The following FAM186B variants were observed in gnomAD, a reference collection of about 807,000 sequenced individuals.
FAM186B encodes the protein family with sequence similarity 186 member B.
Under a neutral mutation model 83.4 loss-of-function variants are expected in FAM186B, and 68 were observed. That is an observed-to-expected ratio of 0.81 (90% confidence interval 0.67 to 1.00). FAM186B has a LOEUF of 1.00. FAM186B is among the 50% of genes least tolerant of loss of function. The pLI is 0.00. For synonymous variants in FAM186B, 389 were observed against 422.0 expected (o/e 0.92, Z 0.96); for missense variants, 983 against 1,099.2 (o/e 0.89, Z 1.49).
At chr12:49,610,347 T>C (rs974746574), upstream of FAM186B, among the ~76,000 whole-genome samples, 11 of 152,008 alleles carry the variant, frequency 7.2e-5, no homozygotes, top group Non-Finnish European at 5.9e-5. Flanking sequence ...AACTCAGAAA[T>C]GACAGATAAA....
Position 49,600,524 on chromosome 12 carries a change from G to A in FAM186B, c.1116C>T (p.Pro372=). 6.2e-7 allele frequency: 1 copy of A among 1,614,006 alleles called. No homozygotes were observed. The highest frequency in any genetic ancestry group is 8.5e-7 in the Non-Finnish European group (1 of 1,179,982). The change falls in exon 4 of 7, where the codon CCC becomes CCT. Residue 372 remains proline (P), a synonymous_variant. Coordinates refer to ENST00000257894, the MANE Select transcript of FAM186B (RefSeq NM_032130.3). The surrounding 1 kb of genome is among the most constrained non-coding windows in gnomAD (Gnocchi z 4.3). Reference sequence around the variant, plus strand: ...CCCGTATCATGGCCATGGGACTTGGGGGAAGTGGCGAGAACAACTGCTCCT... The same window carrying A: ...CCCGTATCATGGCCATGGGACTTGGAGGAAGTGGCGAGAACAACTGCTCCT... ...MKEEQLFSPL[P]PSPMAMIRDS... is the part of the protein sequence containing the mutation.
chr12:49,591,026 T>A (rs1477114561), intron 5 of FAM186B, among the ~76,000 whole-genome samples: 8 of 151,942 alleles, frequency 5.3e-5, no homozygotes, highest in Non-Finnish European at 1.2e-4. Flanking sequence ...CCAAACAGAA[T>A]AGATGAAAAA....
In FAM186B at chr12:49,600,169, G is replaced by T. The variant is rs543736560; in HGVS notation, c.1471C>A (p.Gln491Lys). The change falls in exon 4 of 7, where the codon CAG (glutamine) becomes AAG (lysine). Residue 491 changes from glutamine to lysine, a missense_variant. Physicochemically the swap from Gln to Lys is moderately conservative, Grantham distance 53. Coordinates refer to ENST00000257894, the MANE Select transcript of FAM186B (RefSeq NM_032130.3). This position sits in a 1 kb window ranked among gnomAD's most constrained non-coding sequence, Gnocchi z 4.3. ...ATCTCCTCCTCCTCCAGCCACAGCT[G>T]CCTCCGCATCTCCCGGCCGAATTCC... Reference protein sequence around the residue: ...EEEFGREMRRQLWLEEEEMWQ... With the variant: ...EEEFGREMRRKLWLEEEEMWQ... The T allele has an allele frequency of 6.2e-7, 1 of 1,613,492 alleles. No individual in the cohort carries two copies. The highest frequency in any genetic ancestry group is 8.5e-7 in the Non-Finnish European group (1 of 1,179,698).
At chr12:49,617,492 C>T in the FAM186B span, among the ~76,000 whole-genome samples, 3 of 151,764 alleles carry the variant, frequency 2.0e-5, no homozygotes, top group African/African-American at 4.8e-5. Context: ...TACAGTGAGC[C>T]GAGACCACAC....
chr12:49,595,061 G>A (rs1450237143), intron 5 of FAM186B: 7 of 228,154 alleles, frequency 3.1e-5, no homozygotes, highest in East Asian at 1.0e-4. Context: ...GAAAATTCAC[G>A]TTGTATAAAT....
At chr12:49,587,260 C>T (rs1939464838), downstream of FAM186B, among the ~76,000 whole-genome samples, 1 of 152,112 alleles carries the variant, frequency 6.6e-6, no homozygotes, top group Admixed American at 6.5e-5. Flanking sequence ...TCATCTCTCC[C>T]TCCCTACACC....
upstream of FAM186B, among the ~76,000 whole-genome samples, chr12:49,606,931 G>A (rs889007138): frequency 3.3e-5 from 5 of 152,126 alleles, no homozygotes; most frequent in Non-Finnish European, 5.9e-5. Context: ...TATGTTCTCT[G>A]ACCACTATGG....
chr12:49,602,018 G>A (rs1024436505), intron 3 of FAM186B, among the ~76,000 whole-genome samples: 1 of 152,162 alleles, frequency 6.6e-6, no homozygotes, highest in Non-Finnish European at 1.5e-5. Context: ...AAGATAACTT[G>A]GGTTTGAATC....
intron 5 of FAM186B, among the ~76,000 whole-genome samples, chr12:49,594,626 A>G (rs1216146368): frequency 4.6e-5 from 7 of 152,164 alleles, no homozygotes; most frequent in African/African-American, 1.4e-4. Flanking sequence ...TGTAATCCCA[A>G]CATTTTGGGA....
chr12:49,607,297 A>G (rs1940042524), upstream of FAM186B, among the ~76,000 whole-genome samples: 1 of 152,150 alleles, frequency 6.6e-6, no homozygotes, highest in African/African-American at 2.4e-5. Context: ...AACTCTAGCC[A>G]TATTTACCAG....
At chr12:49,601,238 T>C (rs1259990264) in intron 3 of FAM186B, 104 bp from the exon 4 acceptor site, 16 of 1,438,616 alleles carry the variant, frequency 1.1e-5, no homozygotes, top group Non-Finnish European at 1.5e-5. Flanking sequence ...CCCTTAGGGA[T>C]TTGGCGAGAG....
chr12:49,607,320 G>C (rs538705511), upstream of FAM186B, among the ~76,000 whole-genome samples: 5 of 152,190 alleles, frequency 3.3e-5, no homozygotes, highest in South Asian at 1.0e-3. Context: ...AGAAAAGAGA[G>C]AAGACAAGCT....
At chr12:49,617,667 A>T in the FAM186B span, among the ~76,000 whole-genome samples, 56 of 152,362 alleles carry the variant, frequency 3.7e-4, 2 homozygotes, top group South Asian at 0.012. Flanking sequence ...TTTGATATTC[A>T]TATGTATATT....
intron 5 of FAM186B, chr12:49,595,292 T>C: frequency 1.5e-6 from 1 of 683,136 alleles, no homozygotes; most frequent in South Asian, 1.3e-5. Context: ...GATGCCAGTC[T>C]TGAAGATGCA....
the FAM186B span, among the ~76,000 whole-genome samples, chr12:49,614,574 C>T: frequency 7.9e-5 from 12 of 151,974 alleles, no homozygotes; most frequent in East Asian, 1.9e-4. Flanking sequence ...CTGGGGAGTA[C>T]GGGAAGCAGG....
At position 49,599,611 on chromosome 12, in the gene FAM186B, T is replaced by C. The variant is rs142724836; in HGVS notation, c.2029A>G (p.Ser677Gly). ...GGCAGCCTCAACTCAGACTCCTCAC[T>C]CAGGAGCTGCAGGTTCTTCCTCTGG... ...EAQRKNLQLL[S>G]EESELRLPHY... Residue 677 changes from serine to glycine, a missense_variant, in exon 4 of 7, where the codon AGT (serine) becomes GGT (glycine). Coordinates refer to ENST00000257894, the MANE Select transcript of FAM186B (RefSeq NM_032130.3). The C allele has an allele frequency of 4.3e-4, 686 of 1,611,456 alleles. No homozygotes were observed. Among genetic ancestry groups the C allele is most frequent in the Non-Finnish European group, 5.6e-4 (659 of 1,178,720 alleles).
the FAM186B span, among the ~76,000 whole-genome samples, chr12:49,620,325 T>C: frequency 6.6e-6 from 1 of 152,182 alleles, no homozygotes; most frequent in African/African-American, 2.4e-5. Flanking sequence ...TTAATTTAAC[T>C]TTTTTCTGCC....
At chr12:49,592,240 G>A (rs1219357122) in intron 5 of FAM186B, among the ~76,000 whole-genome samples, 5 of 152,314 alleles carry the variant, frequency 3.3e-5, no homozygotes, top group South Asian at 4.1e-4. Context: ...TTGGGAGGCC[G>A]AGGTGGGCAG....
At position 49,604,454 on chromosome 12, in the gene FAM186B, T is replaced by C; in HGVS notation, c.181A>G (p.Lys61Glu). The C allele has an allele frequency of 9.3e-6, 15 of 1,614,228 alleles. No individual in the cohort carries two copies. The highest frequency in any genetic ancestry group is 1.3e-5 in the Non-Finnish European group (15 of 1,180,040). The part of the protein sequence containing the change: ...RFQEELGYDL[K>E]ENAKSQQRDP... ...CTCTGCTGAGATTTGGCATTTTCTT[T>C]TAAATCATATCCTAATTCTTCCTGG... Residue 61 changes from lysine to glutamate, a missense_variant, in exon 2 of 7, where the codon AAA becomes GAA. Physicochemically the swap from Lys to Glu is moderately conservative, Grantham distance 56. Transcript: ENST00000257894.
Sources: gnomAD v4.1 joint callset for allele counts (sites outside exome capture counted in the v4.1 genomes callset) on GRCh38, gnomAD v4.1.1 for gene constraint, Gnocchi (gnomAD v3.1) non-coding constraint, MANE v1.5 for transcripts, NCBI Gene and HGNC (gene_info 2026-07-23, HGNC 2026-07-21) for gene names.